The following VCAN variants were observed in gnomAD, a reference collection of about 807,000 sequenced individuals.
VCAN encodes versican core protein.
In VCAN, 44 loss-of-function variants were observed where a neutral mutation model predicts 245.5. The observed-to-expected ratio is 0.18, with a 90% CI of 0.14 to 0.23. The LOEUF (loss-of-function observed/expected upper bound fraction) is 0.23, where lower values mean the gene tolerates loss of function less well. VCAN is among the 10% of genes least tolerant of loss of function. The pLI, the probability that VCAN is intolerant of heterozygous loss-of-function variation, is 1.00. For missense variants in VCAN, 3,793 were observed against 4,057.9 expected (o/e 0.93, Z 1.77); for synonymous variants, 1,413 against 1,437.0 (o/e 0.98, Z 0.38).
Position 83,537,922 on chromosome 5 carries a change from A to G in VCAN, c.4919A>G (p.Glu1640Gly), listed in dbSNP as rs764880901. ...GGGAGTTCTTCGATTCCAATTACAGAAGGCTCTGGAGAAGCAGAAGAAGAT... is the reference window on the plus strand; with the variant it reads ...GGGAGTTCTTCGATTCCAATTACAGGAGGCTCTGGAGAAGCAGAAGAAGAT... ...LSGSSSIPIT[E>G]GSGEAEEDED... The change falls in exon 8 of 15, where the codon GAA (glutamate) becomes GGA (glycine). Residue 1640 changes from glutamate to glycine, a missense_variant. By Grantham distance (98) the Glu-to-Gly change is moderately conservative. Coordinates refer to ENST00000265077, the MANE Select transcript of VCAN (RefSeq NM_004385.5). The G allele has an allele frequency of 1.2e-6, 2 of 1,613,934 alleles. No individual in the cohort carries two copies. The highest frequency in any genetic ancestry group is 1.1e-5 in the South Asian group (1 of 91,086).
In VCAN at chr5:83,487,602, T is replaced by C. The variant is rs538134812; in HGVS notation, c.71-2496T>C. 2.0e-5 allele frequency among the ~76,000 whole-genome samples: 3 copies of C among 152,328 alleles called. No individual in the cohort carries two copies. The South Asian group carries it at 6.2e-4, about 32-fold the overall frequency. On this transcript the variant is annotated intron_variant, in intron 2 of 14. Transcript: ENST00000265077. ...CAGTGCATTAAGACCGAAGATTTAA[T>C]ACACAAAAGATTTGACCACACAGCT... is the stretch of plus-strand genomic sequence containing the variant.
intron 12 of VCAN, among the ~76,000 whole-genome samples, chr5:83,568,425 A>G (rs763348124): frequency 7.9e-5 from 12 of 152,196 alleles, no homozygotes; most frequent in Non-Finnish European, 1.8e-4. Context: ...AACAACAGGA[A>G]CACTCATTTT....
Position 83,520,046 on chromosome 5 carries a change from T to C in VCAN, c.1740T>C (p.Ile580=), listed in dbSNP as rs1310242641. 6.2e-7 allele frequency: 1 copy of C among 1,614,088 alleles called. No homozygotes were observed. The highest frequency in any genetic ancestry group is 8.5e-7 in the Non-Finnish European group (1 of 1,179,980). The part of the protein sequence containing the change: ...TLIFDQIPEV[I]TVSKTSEDTI... ...TCTTTGACCAAATTCCTGAAGTCAT[T>C]ACGGTGTCAAAGACTTCAGAAGACA... Residue 580 remains isoleucine, a synonymous_variant, in exon 7 of 15, where the codon ATT becomes ATC. Transcript: ENST00000265077.
At chr5:83,523,808 G>A (rs1054909481) in intron 7 of VCAN, among the ~76,000 whole-genome samples, 1 of 151,852 alleles carries the variant, frequency 6.6e-6, no homozygotes, top group Non-Finnish European at 1.5e-5. Context: ...TCCATCTCTC[G>A]GAACTGGTGT....
At position 83,539,944 on chromosome 5, in the gene VCAN, T is replaced by C; in HGVS notation, c.6941T>C (p.Leu2314Pro). ...AATGTGGCAAAAGAAGTTGGACCAC[T>C]CGTATCTCAAACAGACATCTTTGAA... Reference protein sequence around the residue: ...MENVAKEVGPLVSQTDIFEGS... With the variant: ...MENVAKEVGPPVSQTDIFEGS... Residue 2314 changes from leucine (L) to proline (P), a missense_variant, in exon 8 of 15, where the codon CTC becomes CCC. Physicochemically the swap from Leu to Pro is moderately conservative, Grantham distance 98 (BLOSUM62 -3). Transcript: ENST00000265077. 3 of 1,614,100 alleles carry C rather than the reference T, an allele frequency of 1.9e-6. No individual in the cohort carries two copies. The highest frequency in any genetic ancestry group is 2.5e-6 in the Non-Finnish European group (3 of 1,179,990).
rs1580628433 is a variant in VCAN at position 83,520,774 on chromosome 5, C to T, written c.2468C>T (p.Ser823Phe). ...KPLESTEPSA[S>F]SKLPPALLTT... ...TTAGAGTCTACAGAACCTTCAGCCT[C>T]TTCAAAATTGCCCCCTGCCTTACTC... is the stretch of plus-strand genomic sequence containing the variant. Residue 823 changes from serine (S) to phenylalanine (F), a missense_variant, in exon 7 of 15, where the codon TCT becomes TTT. Physicochemically the swap from Ser to Phe is radical, Grantham distance 155. Around this residue, in one of 5 missense-constraint regions of VCAN, gnomAD observed 3,182 missense variants for 3,250.3 expected, o/e 0.98. Coordinates refer to ENST00000265077, the MANE Select transcript of VCAN (RefSeq NM_004385.5). 6.2e-7 allele frequency: 1 copy of T among 1,614,126 alleles called. No individual in the cohort carries two copies. The highest frequency in any genetic ancestry group is 8.5e-7 in the Non-Finnish European group (1 of 1,179,988).
chr5:83,519,887 G>A lies in VCAN; in HGVS notation c.1581G>A (p.Leu527=). 1 of 1,614,020 alleles carries A rather than the reference G, an allele frequency of 6.2e-7. No homozygotes were observed. The highest frequency in any genetic ancestry group is 1.3e-5 in the African/African-American group (1 of 74,998). The change falls in exon 7 of 15, where the codon CTG becomes CTA. Residue 527 remains leucine (L), a synonymous_variant. Coordinates refer to ENST00000265077, the MANE Select transcript of VCAN (RefSeq NM_004385.5). ...CATTGGTAACTGCAAGAATGATCCT[G>A]GAATCCAAAACTGAAAAGAAAATGG... ...ETPLVTARMI[L]ESKTEKKMVS...
At chr5:83,476,420 C>T (rs1744393352) in intron 1 of VCAN, among the ~76,000 whole-genome samples, 1 of 152,146 alleles carries the variant, frequency 6.6e-6, no homozygotes, top group African/African-American at 2.4e-5. Flanking sequence ...TTTTTCACCA[C>T]CCACGTAGAG....
At chr5:83,535,141 C>T (rs1161205496) in intron 7 of VCAN, among the ~76,000 whole-genome samples, 3 of 152,042 alleles carry the variant, frequency 2.0e-5, no homozygotes, top group East Asian at 1.9e-4. Context: ...TTATAACACA[C>T]TAGAGTTATG....
At chr5:83,475,176 T>C (rs1201353175) in intron 1 of VCAN, among the ~76,000 whole-genome samples, 4 of 152,316 alleles carry the variant, frequency 2.6e-5, no homozygotes, top group Admixed American at 6.5e-5. Flanking sequence ...CTGAGGTTCC[T>C]GTGCCTCAAT....
intron 1 of VCAN, among the ~76,000 whole-genome samples, chr5:83,474,907 G>A (rs1489820176): frequency 6.6e-6 from 1 of 152,100 alleles, no homozygotes; most frequent in Non-Finnish European, 1.5e-5. Flanking sequence ...GAGGGGCATC[G>A]TGCTTTTGTT....
rs375195458 is a variant in VCAN at position 83,542,050 on chromosome 5, C to A, written c.9047C>A (p.Ala3016Glu). Residue 3016 changes from alanine to glutamate, a missense_variant, in exon 8 of 15, where the codon GCA becomes GAA. This residue lies in a region of VCAN where 3,182 missense variants were observed against 3,250.3 expected (regional missense o/e 0.98). Transcript: ENST00000265077. ...CCAGAAATAAACCCTGAAACTCAAG[C>A]AGCTTTAATCAGAGGGCAGGATTCC... ...SSPEINPETQ[A>E]ALIRGQDSTI... 54 of 1,610,784 alleles carry A rather than the reference C, an allele frequency of 3.4e-5. No individual in the cohort carries two copies. The highest frequency in any genetic ancestry group is 3.9e-5 in the Non-Finnish European group (46 of 1,177,682).
intron 12 of VCAN, among the ~76,000 whole-genome samples, chr5:83,564,332 T>C (rs939369226): frequency 5.9e-5 from 9 of 152,174 alleles, no homozygotes; most frequent in Admixed American, 5.9e-4. Context: ...TCGTATTGTA[T>C]TTTGTGTTTC....
intron 5 of VCAN, among the ~76,000 whole-genome samples, chr5:83,498,881 G>A (rs1036755113): frequency 2.6e-5 from 4 of 152,050 alleles, no homozygotes; most frequent in East Asian, 1.9e-4. Context: ...CCTACTTAAC[G>A]TTGTGTGTTG....
chr5:83,473,532 T>C (rs944028627), intron 1 of VCAN, among the ~76,000 whole-genome samples: 1 of 152,090 alleles, frequency 6.6e-6, no homozygotes, highest in Non-Finnish European at 1.5e-5. Context: ...CTCTCTAGCT[T>C]CTGCGTCCCC....
intron 5 of VCAN, among the ~76,000 whole-genome samples, chr5:83,509,943 A>T (rs920360943): frequency 2.0e-5 from 3 of 152,234 alleles, no homozygotes; most frequent in African/African-American, 7.2e-5. Context: ...ATAGGGGGAA[A>T]AAAGAGACCT....
intron 7 of VCAN, among the ~76,000 whole-genome samples, chr5:83,527,091 C>T (rs1580635037): frequency 6.6e-6 from 1 of 152,290 alleles, no homozygotes; most frequent in East Asian, 1.9e-4. Flanking sequence ...TTAGGTACTG[C>T]CCTGTCTGTC....
At chr5:83,473,047 A>G (rs1414495986) in intron 1 of VCAN, among the ~76,000 whole-genome samples, 2 of 152,120 alleles carry the variant, frequency 1.3e-5, no homozygotes, top group East Asian at 3.9e-4. Context: ...ACCCTCTCCT[A>G]GTTCTCCGCT....
Position 83,537,252 on chromosome 5 carries a change from G to A in VCAN, c.4249G>A (p.Val1417Ile), listed in dbSNP as rs777912240. 1.5e-5 allele frequency: 24 copies of A among 1,613,790 alleles called. No homozygotes were observed. The highest frequency in any genetic ancestry group is 3.3e-4 in the Middle Eastern group (2 of 6,084). ...SVQYINGKHL[V>I]TTVPKDPEAA... ...GCAGTACATAAATGGGAAGCATCTCGTTACCACTGTGCCCAAGGACCCAGA... is the reference window on the plus strand; with the variant it reads ...GCAGTACATAAATGGGAAGCATCTCATTACCACTGTGCCCAAGGACCCAGA... Residue 1417 changes from valine to isoleucine, a missense_variant, in exon 8 of 15, where the codon GTT becomes ATT. Physicochemically the swap from Val to Ile is conservative, Grantham distance 29 (BLOSUM62 3). This residue lies in a region of VCAN where 3,182 missense variants were observed against 3,250.3 expected (regional missense o/e 0.98). Transcript: ENST00000265077.
Sources: gnomAD v4.1 joint callset for allele counts (sites outside exome capture counted in the v4.1 genomes callset) on GRCh38, gnomAD v4.1.1 for gene constraint, gnomAD v4.1.1 regional missense constraint, MANE v1.5 for transcripts, NCBI Gene and HGNC (gene_info 2026-07-23, HGNC 2026-07-21) for gene names.